Variants in SLC22A2 observed in about 807,000 individuals in gnomAD.
The protein encoded by SLC22A2 is solute carrier family 22 member 2.
Under a neutral mutation model 60.5 loss-of-function variants are expected in SLC22A2, and 46 were observed. The observed-to-expected ratio is 0.76, with a 90% confidence interval of 0.60 to 0.97. The LOEUF (loss-of-function observed/expected upper bound fraction) is 0.97. Among genes scored for constraint, SLC22A2 ranks in the 50% least tolerant of loss-of-function variants. The pLI is 0.00. For missense variants in SLC22A2, 701 were observed against 706.6 expected (o/e 0.99, Z 0.09); for synonymous variants, 303 against 267.0 (o/e 1.13, Z -1.31).
chr6:160,238,008 T>C (rs1782937917), intron 9 of SLC22A2, among the ~76,000 whole-genome samples: 1 of 152,262 alleles, frequency 6.6e-6, no homozygotes, highest in Non-Finnish European at 1.5e-5. Context: ...TAATCTACAC[T>C]TTGTTTAGCA....
Position 160,224,705 on chromosome 6 carries a change from C to T in SLC22A2, c.1601G>A (p.Arg534Lys). Residue 534 changes from arginine to lysine, a missense_variant and splice_region_variant, in exon 10 of 11, where the codon AGA becomes AAA. Physicochemically the swap from Arg to Lys is conservative, Grantham distance 26. Coordinates refer to ENST00000366953, the MANE Select transcript of SLC22A2 (RefSeq NM_003058.4). ...TCATTTAGAACTTTCAACTGCCTAC[C>T]TTTGCATATTTTCGGCTTCCTCGAT... ...ETIEEAENMQ[R>K]PRKNKEKMIY... 1 of 1,598,260 alleles carries T rather than the reference C, an allele frequency of 6.3e-7. No homozygotes were observed. The highest frequency in any genetic ancestry group is 8.5e-7 in the Non-Finnish European group (1 of 1,169,866).
chr6:160,237,993 A>G (rs1583395469), intron 9 of SLC22A2, among the ~76,000 whole-genome samples: 1 of 152,362 alleles, frequency 6.6e-6, no homozygotes, highest in East Asian at 1.9e-4. Context: ...CGGGGAACTC[A>G]TAAATAATCT....
intron 7 of SLC22A2, 46 bp downstream of exon 7, chr6:160,243,526 T>C (rs769399147): frequency 1.5e-6 from 2 of 1,360,078 alleles, no homozygotes; most frequent in South Asian, 1.2e-5. Flanking sequence ...ACACTCCCTT[T>C]CTCCAGGGTC....
intron 2 of SLC22A2, among the ~76,000 whole-genome samples, chr6:160,255,362 C>A (rs1262012363): frequency 6.6e-6 from 1 of 152,144 alleles, no homozygotes; most frequent in Non-Finnish European, 1.5e-5. Flanking sequence ...TATATTAAGC[C>A]ATCATTATTC....
In SLC22A2 at chr6:160,258,618, G is replaced by A. The variant is rs1181081847; in HGVS notation, c.140C>T (p.Pro47Leu). ...TCCGGGGCTCCGGCAGCGGTGGTCA[G>A]GGGTGAAGCCCAGGAAGACGATGCC... ...YVGIVFLGFT[P>L]DHRCRSPGVA... is the part of the protein sequence containing the mutation. The change falls in exon 1 of 11, where the codon CCT (proline) becomes CTT (leucine). Residue 47 changes from proline (P) to leucine (L), a missense_variant. Physicochemically the swap from Pro to Leu is moderately conservative, Grantham distance 98. Coordinates refer to ENST00000366953, the MANE Select transcript of SLC22A2 (RefSeq NM_003058.4). 1 of 1,613,852 alleles carries A rather than the reference G, an allele frequency of 6.2e-7. No individual in the cohort carries two copies. Among genetic ancestry groups the A allele is most frequent in the Non-Finnish European group, 8.5e-7 (1 of 1,179,956 alleles).
intron 9 of SLC22A2, among the ~76,000 whole-genome samples, chr6:160,225,951 G>A (rs1782714467): frequency 6.6e-6 from 1 of 152,206 alleles, no homozygotes; most frequent in African/African-American, 2.4e-5. Flanking sequence ...GATGACCACA[G>A]CGAAAGGAGA....
chr6:160,222,309 C>T (rs1782655830), intron 10 of SLC22A2, among the ~76,000 whole-genome samples: 1 of 152,156 alleles, frequency 6.6e-6, no homozygotes, highest in African/African-American at 2.4e-5. Context: ...CTGTTGTCCC[C>T]ATTTACAGAT....
At chr6:160,256,896 C>A (rs1304875204) in intron 1 of SLC22A2, among the ~76,000 whole-genome samples, 179 bp from the exon 2 acceptor site, 5 of 146,936 alleles carry the variant, frequency 3.4e-5, no homozygotes, top group South Asian at 2.1e-4. Flanking sequence ...TCTTCTCTCT[C>A]TCTCTCTTTT....
At chr6:160,227,867 T>C (rs918715650) in intron 9 of SLC22A2, among the ~76,000 whole-genome samples, 2 of 152,168 alleles carry the variant, frequency 1.3e-5, no homozygotes, top group African/African-American at 2.4e-5. Context: ...AAAACCAAGA[T>C]GGCAATGAGA....
rs192912876 is a variant in SLC22A2, at chr6:160,230,866, G to A, written c.1502-6062C>T. ...GCAGGACCCCACTGGAAATTGGACT[G>A]TCCAACTTGCCCCGCAGCCAGTCCT... On this transcript the variant is annotated intron_variant, in intron 9 of 10. Transcript: ENST00000366953. Among the ~76,000 whole-genome samples the A allele has an allele frequency of 2.6e-5, 4 of 152,048 alleles. No homozygotes were observed. The East Asian group carries it at 7.7e-4, about 29-fold the overall frequency.
chr6:160,257,681 A>G (rs1026033178), intron 1 of SLC22A2: 2 of 152,236 alleles, frequency 1.3e-5, no homozygotes, highest in Non-Finnish European at 2.9e-5. Flanking sequence ...TGGCTCTCTC[A>G]GTATTTTCAG....
At chr6:160,248,686 T>C (rs3912161) in intron 4 of SLC22A2, among the ~76,000 whole-genome samples, 9,073 of 152,268 alleles carry the variant, frequency 0.06, 393 homozygotes, top group South Asian at 0.15. Context: ...GGATGACTAA[T>C]ATATTTTACT....
chr6:160,246,845 C>A (rs1275470159), intron 5 of SLC22A2, among the ~76,000 whole-genome samples: 1 of 152,160 alleles, frequency 6.6e-6, no homozygotes, highest in Non-Finnish European at 1.5e-5. Context: ...AAGAATCTGA[C>A]CTGAGGATGG....
chr6:160,258,579 C>T lies in SLC22A2; in HGVS notation c.179G>A (p.Ser60Asn), dbSNP rs756798963. Residue 60 changes from serine (S) to asparagine (N), a missense_variant, in exon 1 of 11, where the codon AGT becomes AAT. By Grantham distance (46) the Ser-to-Asn change is conservative. Coordinates refer to ENST00000366953, the MANE Select transcript of SLC22A2 (RefSeq NM_003058.4). Reference protein sequence around the residue: ...RCRSPGVAELSLRCGWSPAEE... With the variant: ...RCRSPGVAELNLRCGWSPAEE... Reference sequence around the variant, plus strand: ...TGCAGGACTCCAGCCGCAGCGCAGACTCAGCTCGGCCACTCCGGGGCTCCG... The same window carrying T: ...TGCAGGACTCCAGCCGCAGCGCAGATTCAGCTCGGCCACTCCGGGGCTCCG... The T allele has an allele frequency of 6.2e-7, 1 of 1,613,890 alleles. No homozygotes were observed. The highest frequency in any genetic ancestry group is 2.2e-5 in the East Asian group (1 of 44,880).
At chr6:160,247,685 A>G (rs1783117515) in intron 4 of SLC22A2, among the ~76,000 whole-genome samples, 1 of 152,212 alleles carries the variant, frequency 6.6e-6, no homozygotes, top group African/African-American at 2.4e-5. Context: ...GTTATGCTCA[A>G]TTTCCCAAAG....
chr6:160,257,273 C>T lies in SLC22A2; in HGVS notation c.415-556G>A, dbSNP rs533916247. Among the ~76,000 whole-genome samples the T allele has an allele frequency of 5.9e-5, 9 of 152,304 alleles. No homozygotes were observed. The East Asian group carries it at 9.6e-4, about 16-fold the overall frequency. On this transcript the variant is annotated intron_variant, in intron 1 of 10. Coordinates refer to ENST00000366953, the MANE Select transcript of SLC22A2 (RefSeq NM_003058.4). ...CAGGAGGTTGGGCCATTTAGCATCT[C>T]CCTGCTGTCTGTTTAATAAAAGGGG... is the stretch of plus-strand genomic sequence containing the variant.
intron 5 of SLC22A2, 150 bp from the exon 6 acceptor site, chr6:160,245,695 T>C (rs1161476458): frequency 1.7e-5 from 1 of 59,136 alleles, no homozygotes; most frequent in Non-Finnish European, 3.0e-5. Flanking sequence ...TCCCATTTCA[T>C]TTTTTTTTTT....
At position 160,245,572 on chromosome 6, in the gene SLC22A2, T is replaced by C. The variant is rs778005993; in HGVS notation, c.958-27A>G. On this transcript the variant is annotated intron_variant, in intron 5 of 10. Coordinates refer to ENST00000366953, the MANE Select transcript of SLC22A2 (RefSeq NM_003058.4). ...TAAGAAAAGGAATAGAAAGGACGGC[T>C]TTGTATATTTAATGCTAGTGTCCCT... 5.5e-6 allele frequency: 8 copies of C among 1,455,796 alleles called. No individual in the cohort carries two copies. In the Admixed American group the frequency reaches 1.4e-4, roughly 25 times the overall value. The allele number at this position is 1,455,796 out of a possible 1,614,324, so 90.2% of individuals were successfully genotyped here.
At chr6:160,229,323 C>T (rs559119504) in intron 9 of SLC22A2, among the ~76,000 whole-genome samples, 3 of 151,862 alleles carry the variant, frequency 2.0e-5, no homozygotes, top group East Asian at 1.9e-4. Flanking sequence ...TTCCTTTTCT[C>T]GTAGAGACAG....
Sources: allele counts gnomAD v4.1 joint callset (sites outside exome capture counted in the v4.1 genomes callset), GRCh38; gene constraint gnomAD v4.1.1; transcripts MANE v1.5; gene names NCBI Gene and HGNC (gene_info 2026-07-23, HGNC 2026-07-21).